TMEM132D: variants seen among roughly 807,000 people sequenced by gnomAD.
The protein encoded by TMEM132D is mature OL transmembrane protein.
In TMEM132D, 21 loss-of-function variants were observed where a neutral mutation model predicts 62.3. That is an observed-to-expected ratio of 0.34 (90% CI 0.24 to 0.49). TMEM132D has a LOEUF of 0.49. TMEM132D is among the 20% of genes least tolerant of loss of function. The probability of loss-of-function intolerance (pLI) is 0.99; values close to 1 mark genes in which losing one functional copy is unlikely to be tolerated. For synonymous variants in TMEM132D, 621 were observed against 575.6 expected (o/e 1.08, Z -1.13); for missense variants, 1,346 against 1,402.8 (o/e 0.96, Z 0.65).
intron 1 of TMEM132D, among the ~76,000 whole-genome samples, chr12:129,746,066 T>C (rs1026204146): frequency 2.0e-5 from 3 of 152,204 alleles, no homozygotes; most frequent in South Asian, 4.2e-4. Flanking sequence ...CCAAACAACA[T>C]TGACGAATGA....
In TMEM132D at chr12:129,763,876, C is replaced by G. The variant is rs116187353; in HGVS notation, c.80-63178G>C. 6.8e-3 allele frequency among the ~76,000 whole-genome samples: 1,029 copies of G among 152,242 alleles called. 13 individuals carry two copies. Among genetic ancestry groups the G allele is most frequent in the African/African-American group, 0.024 (982 of 41,540 alleles). On this transcript the variant is annotated intron_variant, in intron 1 of 8. Transcript: ENST00000422113. ...GAACGTAAGTGCTCAGGTAAAGGAACAGGAACCAAATTAAGAATCGAGAGG... is the reference window on the plus strand; with the variant it reads ...GAACGTAAGTGCTCAGGTAAAGGAAGAGGAACCAAATTAAGAATCGAGAGG...
chr12:129,246,623 G>A (rs1472602058), intron 4 of TMEM132D, among the ~76,000 whole-genome samples: 2 of 152,074 alleles, frequency 1.3e-5, no homozygotes, highest in African/African-American at 4.8e-5. Flanking sequence ...GGATGTGGTG[G>A]TGCATGCTAT....
chr12:129,081,479 TG>T (rs1874442974), intron 7 of TMEM132D, among the ~76,000 whole-genome samples: 1 of 152,132 alleles, frequency 6.6e-6, no homozygotes, highest in Non-Finnish European at 1.5e-5. Context: ...TTTGTATTTT[TG>T]GTAGAGATGG....
intron 5 of TMEM132D, among the ~76,000 whole-genome samples, chr12:129,166,550 C>A (rs11060170): frequency 0.61 from 91,772 of 151,582 alleles, 28,434 homozygotes; most frequent in Non-Finnish European, 0.67. Flanking sequence ...ATGTTAGCCA[C>A]TGCTATGTGA....
intron 1 of TMEM132D, among the ~76,000 whole-genome samples, chr12:129,887,689 T>TA (rs1342419910): frequency 7.9e-5 from 12 of 152,220 alleles, no homozygotes; most frequent in Non-Finnish European, 1.6e-4. Context: ...TTTAAGATAG[T>TA]AAAAAAATGT....
intron 5 of TMEM132D, among the ~76,000 whole-genome samples, chr12:129,149,043 A>G (rs2135534511): frequency 1.3e-5 from 2 of 152,116 alleles, no homozygotes; most frequent in Middle Eastern, 6.8e-3. Flanking sequence ...AATACTATGC[A>G]GCCATAAGAA....
intron 4 of TMEM132D, among the ~76,000 whole-genome samples, chr12:129,249,657 A>G (rs983701978): frequency 2.6e-5 from 4 of 152,160 alleles, no homozygotes; most frequent in African/African-American, 9.7e-5. Context: ...CCCAAGGGAG[A>G]TTTATCCATT....
At chr12:129,580,782 C>T (rs548452640) in intron 2 of TMEM132D, among the ~76,000 whole-genome samples, 317 of 151,874 alleles carry the variant, frequency 2.1e-3, no homozygotes, top group African/African-American at 7.1e-3. Context: ...GACCTTTATC[C>T]TGTTAGTGTA....
intron 8 of TMEM132D, among the ~76,000 whole-genome samples, chr12:129,077,958 A>G (rs1874333216): frequency 6.6e-6 from 1 of 152,180 alleles, no homozygotes; most frequent in African/African-American, 2.4e-5. Flanking sequence ...CACACAAAAC[A>G]CACTCTATTA....
chr12:129,209,501 C>T lies in TMEM132D; in HGVS notation c.1443+19G>A, dbSNP rs772430317. ...ACATGACAGCAGGTTTCTGCAGGGG[C>T]GGGGAGGTGTCAACTTGCCTTAATC... On this transcript the variant is annotated intron_variant, in intron 5 of 8. Coordinates refer to ENST00000422113, the MANE Select transcript of TMEM132D (RefSeq NM_133448.3). 23 of 1,613,208 alleles carry T rather than the reference C, an allele frequency of 1.4e-5. No homozygotes were observed. The African/African-American group carries it at 1.6e-4, about 11-fold the overall frequency.
At chr12:129,547,568 G>A (rs767224924) in intron 2 of TMEM132D, among the ~76,000 whole-genome samples, 5 of 152,150 alleles carry the variant, frequency 3.3e-5, no homozygotes, top group African/African-American at 4.8e-5. Flanking sequence ...TCATTTCAGC[G>A]GGTTCTCTGC....
intron 5 of TMEM132D, among the ~76,000 whole-genome samples, chr12:129,122,093 G>A (rs767919092): frequency 5.9e-4 from 90 of 152,318 alleles, no homozygotes; most frequent in Admixed American, 1.1e-3. Flanking sequence ...GAGCGATGCT[G>A]GGTGACCCGC....
At chr12:129,492,528 T>C (rs1419899761) in intron 3 of TMEM132D, among the ~76,000 whole-genome samples, 1 of 152,128 alleles carries the variant, frequency 6.6e-6, no homozygotes, top group Non-Finnish European at 1.5e-5. Context: ...CTAAATCACA[T>C]TGCACACTCC....
intron 3 of TMEM132D, among the ~76,000 whole-genome samples, chr12:129,369,838 T>C (rs550391388): frequency 6.6e-6 from 1 of 152,320 alleles, no homozygotes; most frequent in Non-Finnish European, 1.5e-5. Context: ...CCAGGTGAGA[T>C]CAAGCAATTT....
intron 1 of TMEM132D, among the ~76,000 whole-genome samples, chr12:129,803,491 C>A (rs1043399761): frequency 6.6e-6 from 1 of 151,862 alleles, no homozygotes; most frequent in Non-Finnish European, 1.5e-5. Context: ...TTGAAACCAA[C>A]GAGAAGAAAG....
At position 129,171,743 on chromosome 12, in the gene TMEM132D, C is replaced by A. The variant is rs575196971; in HGVS notation, c.1443+37777G>T. Among the ~76,000 whole-genome samples, 7 of 152,312 alleles carry A rather than the reference C, an allele frequency of 4.6e-5. No homozygotes were observed. The East Asian group carries it at 1.4e-3, about 29-fold the overall frequency. ...AGGAATATTTTGAAAGAAATCTTTT[C>A]TTCTGAGAAGTAGATCTCAACAGGT... On this transcript the variant is annotated intron_variant, in intron 5 of 8. Coordinates refer to ENST00000422113, the MANE Select transcript of TMEM132D (RefSeq NM_133448.3).
chr12:129,699,681 G>C (rs1023988544), intron 2 of TMEM132D, 129 bp downstream of exon 2: 1 of 1,139,468 alleles, frequency 8.8e-7, no homozygotes, highest in African/African-American at 1.5e-5. Context: ...GGTGCAGATG[G>C]AGTTTGTAAG....
At chr12:129,607,403 G>A (rs895826832) in intron 2 of TMEM132D, among the ~76,000 whole-genome samples, 4 of 152,170 alleles carry the variant, frequency 2.6e-5, no homozygotes, top group Non-Finnish European at 2.9e-5. Flanking sequence ...GAATTCCTAC[G>A]AAGGGTTGCT....
At chr12:129,368,885 A>G (rs1025633969) in intron 3 of TMEM132D, among the ~76,000 whole-genome samples, 1 of 152,206 alleles carries the variant, frequency 6.6e-6, no homozygotes, top group Non-Finnish European at 1.5e-5. Flanking sequence ...TGCCTGATAA[A>G]GAGGTGCAGT....
Sources: gnomAD v4.1 joint callset for allele counts (sites outside exome capture counted in the v4.1 genomes callset) on GRCh38, gnomAD v4.1.1 for gene constraint, MANE v1.5 for transcripts, NCBI Gene and HGNC (gene_info 2026-07-23, HGNC 2026-07-21) for gene names.